The following PDE1C variants were observed in gnomAD, a reference collection of about 807,000 sequenced individuals.
The protein encoded by PDE1C is phosphodiesterase 1C, also known as dual specificity calcium/calmodulin-dependent 3',5'-cyclic nucleotide phosphodiesterase 1C.
Under a neutral mutation model 93.1 loss-of-function variants are expected in PDE1C, and 62 were observed. The ratio of observed to expected loss-of-function variants is 0.67; its 90% CI spans 0.54 to 0.82. The LOEUF (loss-of-function observed/expected upper bound fraction) is 0.82, where lower values mean the gene tolerates loss of function less well. PDE1C is among the 40% of genes least tolerant of loss of function. The pLI is 0.00. For missense variants in PDE1C, 742 were observed against 884.6 expected (o/e 0.84, Z 2.04); for synonymous variants, 325 against 310.1 (o/e 1.05, Z -0.50).
At chr7:31,920,248 A>G (rs1157600303) in intron 2 of PDE1C, among the ~76,000 whole-genome samples, 1 of 152,094 alleles carries the variant, frequency 6.6e-6, no homozygotes, top group Non-Finnish European at 1.5e-5. Flanking sequence ...ACAGGAGTCA[A>G]TCCTAACCAT....
the PDE1C span, among the ~76,000 whole-genome samples, chr7:31,663,195 C>A: frequency 0.021 from 3,191 of 152,182 alleles, 124 homozygotes; most frequent in African/African-American, 0.072. Flanking sequence ...CTTTGGATTC[C>A]CTGCATTGTC....
intron 2 of PDE1C, among the ~76,000 whole-genome samples, chr7:31,944,402 C>G (rs887113164): frequency 2.0e-5 from 3 of 152,198 alleles, no homozygotes; most frequent in Admixed American, 2.0e-4. Context: ...CCTTCTCCCC[C>G]AGGCTGCCAT....
the PDE1C span, among the ~76,000 whole-genome samples, chr7:31,619,788 C>T: frequency 6.6e-6 from 1 of 152,146 alleles, no homozygotes; most frequent in Non-Finnish European, 1.5e-5. Context: ...CATGCACAAG[C>T]TGAAGCAGCG....
chr7:32,199,180 T>TA (rs1804830496), intron 2 of PDE1C, among the ~76,000 whole-genome samples: 1 of 152,048 alleles, frequency 6.6e-6, no homozygotes, highest in South Asian at 2.1e-4. Flanking sequence ...ACACAGTAGG[T>TA]AACCTGTCTT....
At chr7:32,093,595 T>C (rs1016427181) in intron 3 of PDE1C, among the ~76,000 whole-genome samples, 1 of 152,238 alleles carries the variant, frequency 6.6e-6, no homozygotes, top group Non-Finnish European at 1.5e-5. Context: ...TGCTCATGCA[T>C]TCCTCCCACA....
chr7:32,178,065 A>G (rs1276839688), intron 2 of PDE1C, among the ~76,000 whole-genome samples: 1 of 152,236 alleles, frequency 6.6e-6, no homozygotes, highest in Non-Finnish European at 1.5e-5. Context: ...GTATGGGGCA[A>G]TTCCCACATA....
At chr7:32,224,551 G>A (rs1231214550) in intron 1 of PDE1C, among the ~76,000 whole-genome samples, 1 of 152,206 alleles carries the variant, frequency 6.6e-6, no homozygotes, top group Non-Finnish European at 1.5e-5. Context: ...AACGGTCTTG[G>A]CACATGACCA....
chr7:32,202,402 G>A (rs1013888224), intron 2 of PDE1C, among the ~76,000 whole-genome samples: 6 of 152,158 alleles, frequency 3.9e-5, no homozygotes, highest in Admixed American at 2.6e-4. Flanking sequence ...ATATTCCTCC[G>A]CTGGATGGGC....
the PDE1C span, among the ~76,000 whole-genome samples, chr7:31,733,429 A>C: frequency 6.6e-6 from 1 of 152,122 alleles, no homozygotes; most frequent in East Asian, 1.9e-4. Flanking sequence ...TGATGCTCCT[A>C]TTTATCTCAT....
chr7:31,813,485 G>A (rs147237743), intron 15 of PDE1C, among the ~76,000 whole-genome samples: 1 of 152,156 alleles, frequency 6.6e-6, no homozygotes, highest in Non-Finnish European at 1.5e-5. Flanking sequence ...TCCAGTTTTA[G>A]TGGAGCTGAT....
chr7:32,237,159 T>C (rs1010637423), intron 1 of PDE1C, among the ~76,000 whole-genome samples: 3 of 148,866 alleles, frequency 2.0e-5, no homozygotes, highest in South Asian at 2.1e-4. Context: ...CGATCTCGGC[T>C]CACTGCAAGT....
At chr7:32,237,218 C>G (rs1808166580) in intron 1 of PDE1C, among the ~76,000 whole-genome samples, 1 of 151,614 alleles carries the variant, frequency 6.6e-6, no homozygotes, top group Non-Finnish European at 1.5e-5. Flanking sequence ...TCCTGAGTAT[C>G]CGGGACTATA....
At chr7:31,738,643 T>TC in the PDE1C span, among the ~76,000 whole-genome samples, 1 of 151,952 alleles carries the variant, frequency 6.6e-6, no homozygotes, top group African/African-American at 2.4e-5. Context: ...GGGGCATAAT[T>TC]CCCATAGCAC....
chr7:32,253,399 C>T (rs1809533567), intron 1 of PDE1C, among the ~76,000 whole-genome samples: 1 of 152,198 alleles, frequency 6.6e-6, no homozygotes, highest in Admixed American at 6.5e-5. Flanking sequence ...CGAAACCCCA[C>T]AATGCTCCAA....
At chr7:32,183,381 C>A (rs1442175343) in intron 2 of PDE1C, among the ~76,000 whole-genome samples, 12 of 152,064 alleles carry the variant, frequency 7.9e-5, no homozygotes, top group African/African-American at 2.2e-4. Context: ...GGAGGCATCA[C>A]GCTACCTGAC....
At chr7:31,844,541 T>C (rs934003854) in intron 9 of PDE1C, among the ~76,000 whole-genome samples, 6 of 151,968 alleles carry the variant, frequency 3.9e-5, no homozygotes, top group Admixed American at 3.9e-4. Flanking sequence ...CTTGTTCTCC[T>C]AAGTGTAATT....
the PDE1C span, among the ~76,000 whole-genome samples, chr7:31,681,043 G>A: frequency 5.3e-5 from 8 of 152,154 alleles, no homozygotes; most frequent in Non-Finnish European, 8.8e-5. Flanking sequence ...TTACATTCCT[G>A]GGGGAAATGC....
At chr7:32,109,623 A>G (rs1254558815) in intron 3 of PDE1C, among the ~76,000 whole-genome samples, 1 of 152,164 alleles carries the variant, frequency 6.6e-6, no homozygotes, top group Non-Finnish European at 1.5e-5. Flanking sequence ...CCTGGGAGGC[A>G]AAACTGTCTG....
intron 15 of PDE1C, 96 bp downstream of exon 15, chr7:31,815,828 G>A: frequency 2.2e-6 from 2 of 918,022 alleles, no homozygotes; most frequent in Non-Finnish European, 3.5e-6. Context: ...GCCTTGCCCT[G>A]TGAGCTGACC....
Sources: allele counts gnomAD v4.1 joint callset (sites outside exome capture counted in the v4.1 genomes callset), GRCh38; gene constraint gnomAD v4.1.1; transcripts MANE v1.5; gene names NCBI Gene and HGNC (gene_info 2026-07-23, HGNC 2026-07-21).